The following CFAP44 variants were observed in gnomAD, a reference collection of about 807,000 sequenced individuals.
The protein encoded by CFAP44 is cilia and flagella associated protein 44.
CFAP44 carries 134 observed loss-of-function variants against 216.2 expected under a neutral mutation model. The ratio of observed to expected loss-of-function variants is 0.62; its 90% CI spans 0.54 to 0.72. The LOEUF (loss-of-function observed/expected upper bound fraction) is 0.72, where lower values mean the gene tolerates loss of function less well. Among genes scored for constraint, CFAP44 ranks in the 30% least tolerant of loss-of-function variants. The probability of loss-of-function intolerance (pLI) is 0.00; values close to 1 mark genes in which losing one functional copy is unlikely to be tolerated. For missense variants in CFAP44, 2,035 were observed against 2,182.1 expected (o/e 0.93, Z 1.34); for synonymous variants, 700 against 727.6 (o/e 0.96, Z 0.61).
At chr3:113,435,395 T>C (rs572560575) in intron 1 of CFAP44, among the ~76,000 whole-genome samples, 1 of 152,214 alleles carries the variant, frequency 6.6e-6, no homozygotes, top group Admixed American at 6.5e-5. Context: ...AGAAAACCCC[T>C]TATAAAACCA....
intron 17 of CFAP44, among the ~76,000 whole-genome samples, chr3:113,376,044 T>G (rs1559928609): frequency 6.6e-6 from 1 of 152,172 alleles, no homozygotes; most frequent in African/African-American, 2.4e-5. Flanking sequence ...GTAATTACAT[T>G]AAATATAAAT....
At chr3:113,377,733 AC>A (rs1434815194) in intron 17 of CFAP44, among the ~76,000 whole-genome samples, 1 of 152,044 alleles carries the variant, frequency 6.6e-6, no homozygotes, top group East Asian at 1.9e-4. Context: ...GCTCACTGCA[AC>A]CTTCACCTCC....
At chr3:113,431,454 G>C (rs1020522557) in intron 2 of CFAP44, among the ~76,000 whole-genome samples, 1 of 152,088 alleles carries the variant, frequency 6.6e-6, no homozygotes, top group Non-Finnish European at 1.5e-5. Flanking sequence ...AAACACTGCC[G>C]AGGACTGGAA....
In CFAP44 at chr3:113,403,987, C is replaced by T; in HGVS notation, c.1035G>A (p.Met345Ile). ...TGATCAGACCACCTTCCCAAAGCAGCATGTTGCCCCATTCTGACCCTGAGA... is the reference window on the plus strand; with the variant it reads ...TGATCAGACCACCTTCCCAAAGCAGTATGTTGCCCCATTCTGACCCTGAGA... ...KVLSGSEWGN[M>I]LLWEGGLIKV... Residue 345 changes from methionine (M) to isoleucine (I), a missense_variant, in exon 9 of 35, where the codon ATG (methionine) becomes ATA (isoleucine). Met to Ile is a conservative substitution (Grantham distance 10). Coordinates refer to ENST00000393845, the MANE Select transcript of CFAP44 (RefSeq NM_001164496.2). 6.2e-7 allele frequency: 1 copy of T among 1,614,004 alleles called. No individual in the cohort carries two copies. The highest frequency in any genetic ancestry group is 8.5e-7 in the Non-Finnish European group (1 of 1,179,946).
chr3:113,385,810 A>ATTTT (rs34847590), intron 15 of CFAP44, among the ~76,000 whole-genome samples: 1 of 144,876 alleles, frequency 6.9e-6, no homozygotes, highest in South Asian at 2.2e-4. Context: ...TAATTTTTGT[A>ATTTT]TTTTTTTTTT....
chr3:113,304,962 G>T (rs1021416022), intron 31 of CFAP44, 74 bp downstream of exon 31: 4 of 1,337,108 alleles, frequency 3.0e-6, no homozygotes, highest in South Asian at 1.3e-5. Context: ...AGTGAACTAT[G>T]AATCTTTCTC....
At chr3:113,319,381 A>G (rs1950120430) in intron 28 of CFAP44, among the ~76,000 whole-genome samples, 1 of 152,250 alleles carries the variant, frequency 6.6e-6, no homozygotes, top group Admixed American at 6.5e-5. Context: ...CAACAGGAAG[A>G]CTTAACTATC....
intron 29 of CFAP44, 87 bp from the exon 30 acceptor site, chr3:113,306,418 A>G (rs1193881890): frequency 6.8e-7 from 1 of 1,462,656 alleles, no homozygotes; most frequent in Non-Finnish European, 9.1e-7. Context: ...ATTCAGAATC[A>G]ATAATGTCTA....
At chr3:113,401,354 T>G in intron 10 of CFAP44, 67 bp from the exon 11 acceptor site, 1 of 1,429,764 alleles carries the variant, frequency 7.0e-7, no homozygotes, top group Non-Finnish European at 9.5e-7. Context: ...AAATGTTCTT[T>G]CTATGTTTTA....
chr3:113,426,192 A>C lies in CFAP44; in HGVS notation c.339T>G (p.Tyr113Ter). 1 of 1,614,204 alleles carries C rather than the reference A, an allele frequency of 6.2e-7. No individual in the cohort carries two copies. Among genetic ancestry groups the C allele is most frequent in the South Asian group, 1.1e-5 (1 of 91,088 alleles). The change falls in exon 4 of 35, where the codon TAT (tyrosine) becomes TAG (stop). Residue 113 changes from tyrosine to a stop codon, truncating the protein, a stop_gained. Transcript: ENST00000393845. LOFTEE classifies it high-confidence loss of function. ...CAAAAGGCATCGAAGCAAGCTCCAT[A>C]TAATCATAGAAGAAGCTCTCTGATA... ...KKISESFFYD[Y>*]MELASMPFVT... is the part of the protein sequence containing the mutation.
At chr3:113,387,380 G>A (rs1467869126) in intron 15 of CFAP44, among the ~76,000 whole-genome samples, 3 of 152,182 alleles carry the variant, frequency 2.0e-5, no homozygotes, top group Admixed American at 2.0e-4. Flanking sequence ...ACCAGGAAGA[G>A]TTGTGAGGCC....
chr3:113,393,392 T>G (rs552462798), intron 15 of CFAP44, among the ~76,000 whole-genome samples: 1 of 151,794 alleles, frequency 6.6e-6, no homozygotes, highest in East Asian at 1.9e-4. Context: ...TAATGGGAGG[T>G]GTTTGGGTCT....
At chr3:113,350,076 G>C (rs1427607593) in intron 22 of CFAP44, among the ~76,000 whole-genome samples, 1 of 152,216 alleles carries the variant, frequency 6.6e-6, no homozygotes, top group Non-Finnish European at 1.5e-5. Flanking sequence ...AACCCAACGA[G>C]GTGGCAGTCT....
chr3:113,299,945 C>T (rs966908287), intron 32 of CFAP44, among the ~76,000 whole-genome samples: 3 of 152,178 alleles, frequency 2.0e-5, no homozygotes, highest in African/African-American at 4.8e-5. Flanking sequence ...GCAGAAGGAT[C>T]ACCTGAGCCT....
intron 18 of CFAP44, among the ~76,000 whole-genome samples, chr3:113,367,675 T>C (rs1932996491): frequency 6.6e-6 from 1 of 152,124 alleles, no homozygotes; most frequent in African/African-American, 2.4e-5. Flanking sequence ...GCACCTCTTC[T>C]CCTCCAAAGG....
intron 32 of CFAP44, among the ~76,000 whole-genome samples, chr3:113,301,673 A>G (rs1005106419): frequency 1.2e-4 from 19 of 152,236 alleles, no homozygotes; most frequent in Non-Finnish European, 2.2e-4. Flanking sequence ...ATTATCATAT[A>G]CAACATGCTG....
At chr3:113,308,116 T>C in intron 29 of CFAP44, 42 bp downstream of exon 29, 1 of 1,448,780 alleles carries the variant, frequency 6.9e-7, no homozygotes, top group Non-Finnish European at 9.2e-7. Flanking sequence ...TGCCAATCAA[T>C]ATTCACACTT....
intron 28 of CFAP44, among the ~76,000 whole-genome samples, chr3:113,317,343 C>T (rs1950098067): frequency 6.6e-6 from 1 of 152,192 alleles, no homozygotes; most frequent in Admixed American, 6.5e-5. Context: ...GTTCCTCGTC[C>T]CTCTCTGGGA....
In CFAP44 at chr3:113,288,122, T is replaced by C. The variant is rs1484426421; in HGVS notation, c.*3435A>G. ...TTTTCTAGATTTCTGTAAAATTGAGTTACAGATGAAATGCCACTTGAGACA... is the reference window on the plus strand; with the variant it reads ...TTTTCTAGATTTCTGTAAAATTGAGCTACAGATGAAATGCCACTTGAGACA... On this transcript the variant is annotated 3_prime_UTR_variant, in exon 35 of 35. Transcript: ENST00000393845. 1 of 152,104 alleles carries C rather than the reference T, an allele frequency of 6.6e-6. No homozygotes were observed. The highest frequency in any genetic ancestry group is 1.5e-5 in the Non-Finnish European group (1 of 68,012). 9.4% of individuals were successfully genotyped at this position (152,104 alleles called of 1,614,324 possible). A position where few individuals can be genotyped will look rare whatever the true frequency, so the allele number is the denominator to read the frequency against.
Sources: gnomAD v4.1 joint callset for allele counts (sites outside exome capture counted in the v4.1 genomes callset) on GRCh38, gnomAD v4.1.1 for gene constraint, MANE v1.5 for transcripts, NCBI Gene and HGNC (gene_info 2026-07-23, HGNC 2026-07-21) for gene names.